Variants in RBFOX1 observed in about 807,000 individuals in gnomAD.
RBFOX1 encodes RNA binding fox-1 homolog 1.
In RBFOX1, 8 loss-of-function variants were observed where a neutral mutation model predicts 57.7. The ratio of observed to expected loss-of-function variants is 0.14; its 90% CI spans 0.08 to 0.25. The LOEUF (loss-of-function observed/expected upper bound fraction) is 0.25. Among genes scored for constraint, RBFOX1 ranks in the 10% least tolerant of loss-of-function variants. The pLI, the probability that RBFOX1 is intolerant of heterozygous loss-of-function variation, is 1.00. For missense variants in RBFOX1, 611 were observed against 548.5 expected, an observed-to-expected ratio of 1.11 and a Z score of -1.14; for synonymous variants, 326 against 222.4, an observed-to-expected ratio of 1.47 and a Z score of -4.15.
chr16:6,027,881 T>G lies in RBFOX1; in HGVS notation c.-127+7889T>G, dbSNP rs1358415591. Among the ~76,000 whole-genome samples, 3 of 152,180 alleles carry G rather than the reference T, an allele frequency of 2.0e-5. No homozygotes were observed. In the East Asian group the frequency reaches 5.8e-4, roughly 29 times the overall value. Reference sequence around the variant, plus strand: ...TGTACGGTTGAGATCGTTGACAGACTTGAGGCCCTGTGTGGAGTTCCGCCT... The same window carrying G: ...TGTACGGTTGAGATCGTTGACAGACGTGAGGCCCTGTGTGGAGTTCCGCCT... On this transcript the variant is annotated intron_variant, in intron 1 of 15. Transcript: ENST00000550418.
chr16:7,152,417 C>G (rs1165881818), intron 4 of RBFOX1, among the ~76,000 whole-genome samples: 1 of 152,244 alleles, frequency 6.6e-6, no homozygotes, highest in South Asian at 2.1e-4. Context: ...ACCCGATAGC[C>G]AAAGAAATTG....
chr16:6,790,169 CTATTATTATTAT>C (rs71145294), intron 3 of RBFOX1, among the ~76,000 whole-genome samples: 8 of 141,544 alleles, frequency 5.7e-5, no homozygotes, highest in African/African-American at 1.0e-4. Context: ...TTATTTTATT[CTATTATTATTAT>C]TATTATTATT....
At chr16:5,409,817 A>G (rs1397322143) in intron 1 of RBFOX1, among the ~76,000 whole-genome samples, 1 of 151,936 alleles carries the variant, frequency 6.6e-6, no homozygotes, top group Middle Eastern at 3.2e-3. Flanking sequence ...TGGGAGGCCG[A>G]GGTGGGCAGA....
chr16:6,474,164 G>A (rs772174958), intron 2 of RBFOX1, among the ~76,000 whole-genome samples: 22 of 152,178 alleles, frequency 1.4e-4, no homozygotes, highest in Middle Eastern at 3.4e-3. Flanking sequence ...AAAAAGGAAG[G>A]AAAGAAGGGA....
rs897077137 is a variant in RBFOX1 at position 6,923,811 on chromosome 16, C to T, written c.-15-128246C>T. Reference sequence around the variant, plus strand: ...CAATAAAGGATTTGCCACCTTCTAGCCATGAAACTTCAGGCAAGTGACTGA... The same window carrying T: ...CAATAAAGGATTTGCCACCTTCTAGTCATGAAACTTCAGGCAAGTGACTGA... On this transcript the variant is annotated intron_variant, in intron 3 of 15. Transcript: ENST00000550418. Among the ~76,000 whole-genome samples, 4 of 152,210 alleles carry T rather than the reference C, an allele frequency of 2.6e-5. No homozygotes were observed. In the South Asian group the frequency reaches 8.3e-4, roughly 32 times the overall value.
chr16:7,630,085 T>G (rs909545230), intron 10 of RBFOX1, among the ~76,000 whole-genome samples: 8 of 152,150 alleles, frequency 5.3e-5, no homozygotes, highest in Non-Finnish European at 1.0e-4. Flanking sequence ...TGCTTACTAT[T>G]GATTGAGTGA....
chr16:5,784,809 C>T (rs77588098), intron 3 of RBFOX1, among the ~76,000 whole-genome samples: 9,536 of 152,146 alleles, frequency 0.063, 975 homozygotes, highest in African/African-American at 0.21. Context: ...GAGGACATGG[C>T]GCATAGACAC....
chr16:7,061,788 C>G (rs932035334), intron 4 of RBFOX1, among the ~76,000 whole-genome samples: 2 of 152,140 alleles, frequency 1.3e-5, no homozygotes, highest in Non-Finnish European at 2.9e-5. Context: ...ATTTCTATGA[C>G]TGATGCCTCA....
chr16:7,045,732 G>C (rs1295008063), intron 3 of RBFOX1, among the ~76,000 whole-genome samples: 1 of 151,712 alleles, frequency 6.6e-6, no homozygotes, highest in African/African-American at 2.4e-5. Context: ...TTCATTCACT[G>C]CCTACCTCTG....
At chr16:6,660,567 A>G (rs570534457) in intron 3 of RBFOX1, among the ~76,000 whole-genome samples, 17 of 152,224 alleles carry the variant, frequency 1.1e-4, no homozygotes, top group African/African-American at 4.1e-4. Flanking sequence ...CTGGGTTTCA[A>G]TCCCAGCCCT....
chr16:6,419,726 C>G (rs999393321), intron 2 of RBFOX1, among the ~76,000 whole-genome samples: 2 of 152,106 alleles, frequency 1.3e-5, no homozygotes, highest in Non-Finnish European at 2.9e-5. Flanking sequence ...ACATCCCAGT[C>G]GTGTTCTATC....
At chr16:6,879,111 T>G (rs1005406298) in intron 3 of RBFOX1, among the ~76,000 whole-genome samples, 7 of 152,238 alleles carry the variant, frequency 4.6e-5, no homozygotes, top group African/African-American at 1.7e-4. Flanking sequence ...TTGAATATAT[T>G]ACAGTTTGAC....
At chr16:7,417,864 T>A (rs773320059) in intron 4 of RBFOX1, among the ~76,000 whole-genome samples, 13 of 152,174 alleles carry the variant, frequency 8.5e-5, no homozygotes, top group Non-Finnish European at 1.9e-4. Flanking sequence ...TGACGCACTT[T>A]CGTTCCTCTG....
intron 1 of RBFOX1, among the ~76,000 whole-genome samples, chr16:5,364,595 C>A (rs1353038652): frequency 1.3e-5 from 2 of 152,222 alleles, no homozygotes; most frequent in Non-Finnish European, 2.9e-5. Context: ...ATCTAAAAAT[C>A]TCTCCCTAAT....
chr16:7,579,753 T>C, intron 5 of RBFOX1, 24 bp from the exon 6 acceptor site: 8 of 1,613,950 alleles, frequency 5.0e-6, no homozygotes, highest in South Asian at 1.1e-5. Context: ...TGAGAACCTC[T>C]TCGGTTTCTT....
intron 1 of RBFOX1, among the ~76,000 whole-genome samples, chr16:6,211,274 G>C (rs1880434722): frequency 7.2e-6 from 1 of 139,182 alleles, no homozygotes; most frequent in South Asian, 2.4e-4. Context: ...TGTCGCCCAG[G>C]CTGGAGGGCA....
intron 1 of RBFOX1, among the ~76,000 whole-genome samples, chr16:5,330,342 T>C (rs981802068): frequency 6.6e-6 from 1 of 152,204 alleles, no homozygotes; most frequent in Non-Finnish European, 1.5e-5. Flanking sequence ...AGAATAAAAA[T>C]TATAAATTGG....
chr16:5,429,509 T>C (rs1227153421), intron 1 of RBFOX1, among the ~76,000 whole-genome samples: 1 of 152,180 alleles, frequency 6.6e-6, no homozygotes, highest in African/African-American at 2.4e-5. Context: ...TGTGGGGTCC[T>C]GGGAGAGGGA....
intron 4 of RBFOX1, among the ~76,000 whole-genome samples, chr16:7,294,357 G>A (rs1397072866): frequency 2.0e-5 from 3 of 152,068 alleles, no homozygotes; most frequent in African/African-American, 2.4e-5. Flanking sequence ...CAGGAAGGCT[G>A]CTATAGGAAC....
Sources: allele counts gnomAD v4.1 joint callset (sites outside exome capture counted in the v4.1 genomes callset), GRCh38; gene constraint gnomAD v4.1.1; transcripts MANE v1.5; gene names NCBI Gene and HGNC (gene_info 2026-07-23, HGNC 2026-07-21).